The following WDR47 variants were observed in gnomAD, a reference collection of about 807,000 sequenced individuals.
WDR47 encodes the protein WD repeat domain 47, also known as WD repeat-containing protein 47.
WDR47 carries 32 observed loss-of-function variants against 97.2 expected under a neutral mutation model. The ratio of observed to expected loss-of-function variants is 0.33; its 90% confidence interval spans 0.25 to 0.44. The LOEUF is 0.44. WDR47 is among the 20% of genes least tolerant of loss of function. The pLI is 1.00. For missense variants in WDR47, 782 were observed against 1,102.3 expected (o/e 0.71, Z 4.11); for synonymous variants, 375 against 373.5 (o/e 1.00, Z -0.05).
intron 1 of WDR47, among the ~76,000 whole-genome samples, chr1:109,034,512 T>C (rs1156590215): frequency 6.6e-6 from 1 of 152,104 alleles, no homozygotes; most frequent in African/African-American, 2.4e-5. Context: ...CCAATACTGA[T>C]CCACAGCCTG....
At chr1:109,012,397 C>T (rs1353412993) in intron 4 of WDR47, among the ~76,000 whole-genome samples, 1 of 151,626 alleles carries the variant, frequency 6.6e-6, no homozygotes, top group East Asian at 1.9e-4. Context: ...CACAGTGAAA[C>T]CCCGTCTCTA....
chr1:109,003,335 G>T (rs1256119659), intron 6 of WDR47, among the ~76,000 whole-genome samples: 2 of 151,840 alleles, frequency 1.3e-5, no homozygotes, highest in African/African-American at 4.8e-5. Context: ...GTTGTTTGGT[G>T]CATATCCATG....
At chr1:109,036,846 A>C (rs1662990797) in intron 1 of WDR47, among the ~76,000 whole-genome samples, 1 of 152,088 alleles carries the variant, frequency 6.6e-6, no homozygotes, top group African/African-American at 2.4e-5. Flanking sequence ...AAAATAAATA[A>C]ATAAATAAAT....
Position 109,009,995 on chromosome 1 carries a change from T to A in WDR47, c.1130+921A>T, listed in dbSNP as rs112696770. Among the ~76,000 whole-genome samples, 65 of 150,722 alleles carry A rather than the reference T, an allele frequency of 4.3e-4. No homozygotes were observed. The East Asian group carries it at 0.012, about 28-fold the overall frequency. On this transcript the variant is annotated intron_variant, in intron 5 of 14. Coordinates refer to ENST00000369962, the MANE Select transcript of WDR47 (RefSeq NM_001142551.2). ...CCTGAGTGACAAAAGCAAAACTCCA[T>A]CTCAAAAAAAAACAAAAAAACAAAA... is the stretch of plus-strand genomic sequence containing the variant.
intron 7 of WDR47, among the ~76,000 whole-genome samples, chr1:109,000,337 C>T (rs942921873): frequency 5.3e-5 from 8 of 151,510 alleles, no homozygotes; most frequent in East Asian, 1.9e-4. Context: ...GGTGAAATCC[C>T]GCCTCCACTA....
intron 13 of WDR47, among the ~76,000 whole-genome samples, chr1:108,976,739 C>G (rs1182700137): frequency 6.6e-6 from 1 of 152,074 alleles, no homozygotes; most frequent in African/African-American, 2.4e-5. Context: ...AAGTTAAGAC[C>G]TAAAGACACG....
chr1:109,024,092 A>G (rs953903580), intron 1 of WDR47, among the ~76,000 whole-genome samples: 6 of 152,196 alleles, frequency 3.9e-5, no homozygotes, highest in Admixed American at 6.6e-5. Context: ...GCTTTAGTCT[A>G]GCAGTAATAC....
In WDR47 at chr1:109,023,445, T is replaced by C. The variant is rs1438167752; in HGVS notation, c.68A>G (p.Asn23Ser). The change falls in exon 2 of 15, where the codon AAT (asparagine) becomes AGT (serine). Residue 23 changes from asparagine (N) to serine (S), a missense_variant. This residue lies in a region of WDR47 where 428 missense variants were observed against 584.3 expected (regional missense o/e 0.73). Coordinates refer to ENST00000369962, the MANE Select transcript of WDR47 (RefSeq NM_001142551.2). ...EIIKLILDFL[N>S]SKKLHISMLA... is the part of the protein sequence containing the mutation. ...CATACTAATGTGAAGCTTCTTTGAATTCAGGAAGTCCAAAATTAGCTTAAT... is the reference window on the plus strand; with the variant it reads ...CATACTAATGTGAAGCTTCTTTGAACTCAGGAAGTCCAAAATTAGCTTAAT... 1.2e-6 allele frequency: 2 copies of C among 1,613,782 alleles called. No homozygotes were observed. Among genetic ancestry groups the C allele is most frequent in the Non-Finnish European group, 1.7e-6 (2 of 1,179,834 alleles).
chr1:109,014,003 T>C, intron 3 of WDR47, 78 bp from the exon 4 acceptor site: 3 of 1,049,858 alleles, frequency 2.9e-6, no homozygotes, highest in Non-Finnish European at 4.2e-6. Flanking sequence ...GTAAGTACTT[T>C]TGCTTTAGGA....
At chr1:108,978,632 A>G (rs999890737) in intron 13 of WDR47, among the ~76,000 whole-genome samples, 4 of 152,254 alleles carry the variant, frequency 2.6e-5, no homozygotes, top group African/African-American at 7.2e-5. Context: ...AGAAGAGACT[A>G]AAGTCCTGAG....
chr1:108,981,868 T>C lies in WDR47; in HGVS notation c.2267-4A>G, dbSNP rs774119398. ...GTATAAAGTGCTAAAATATGCCCTATAAAAGATCATATACTCAATTATTAA... is the reference window on the plus strand; with the variant it reads ...GTATAAAGTGCTAAAATATGCCCTACAAAAGATCATATACTCAATTATTAA... On this transcript the variant is annotated splice_region_variant and splice_polypyrimidine_tract_variant and intron_variant, in intron 12 of 14. Coordinates refer to ENST00000369962, the MANE Select transcript of WDR47 (RefSeq NM_001142551.2). 6.2e-7 allele frequency: 1 copy of C among 1,610,724 alleles called. No individual in the cohort carries two copies. Among genetic ancestry groups the C allele is most frequent in the Non-Finnish European group, 8.5e-7 (1 of 1,178,378 alleles).
intron 1 of WDR47, among the ~76,000 whole-genome samples, chr1:109,040,645 A>G (rs1044353950): frequency 6.6e-6 from 1 of 151,980 alleles, no homozygotes; most frequent in Non-Finnish European, 1.5e-5. Flanking sequence ...TTTCTTTCCT[A>G]TTGGAAGCAA....
intron 1 of WDR47, among the ~76,000 whole-genome samples, 155 bp downstream of exon 1, chr1:109,041,707 A>C (rs1663377575): frequency 6.6e-6 from 1 of 152,118 alleles, no homozygotes; most frequent in Admixed American, 6.5e-5. Flanking sequence ...GTCGGCACCC[A>C]AGCCCACTAA....
intron 9 of WDR47, among the ~76,000 whole-genome samples, chr1:108,988,170 G>A (rs1314534355): frequency 2.0e-5 from 3 of 149,262 alleles, no homozygotes; most frequent in African/African-American, 7.4e-5. Context: ...GATTGAGTCT[G>A]GGAGGTTGAG....
At chr1:109,008,538 C>G (rs1660797785) in intron 5 of WDR47, among the ~76,000 whole-genome samples, 1 of 152,006 alleles carries the variant, frequency 6.6e-6, no homozygotes, top group Non-Finnish European at 1.5e-5. Context: ...GCTGGGATTA[C>G]AGGCTTGAGC....
At chr1:108,978,538 G>A (rs1037424762) in intron 13 of WDR47, among the ~76,000 whole-genome samples, 1 of 151,944 alleles carries the variant, frequency 6.6e-6, no homozygotes, top group Admixed American at 6.6e-5. Context: ...CACAGAATAG[G>A]TTTCAGCTAG....
chr1:108,991,406 C>T, intron 8 of WDR47, 77 bp from the exon 9 acceptor site: 2 of 1,341,356 alleles, frequency 1.5e-6, no homozygotes, highest in Non-Finnish European at 1.0e-6. Context: ...CTTTCAAACA[C>T]TAATTTTTCT....
At chr1:109,005,884 AAAT>A (rs1660571514) in intron 5 of WDR47, among the ~76,000 whole-genome samples, 1 of 152,074 alleles carries the variant, frequency 6.6e-6, no homozygotes, top group Non-Finnish European at 1.5e-5. Flanking sequence ...ATAAAAATAA[AAAT>A]AAATAAAAAA....
chr1:109,036,726 C>G (rs895659884), intron 1 of WDR47, among the ~76,000 whole-genome samples: 8 of 151,106 alleles, frequency 5.3e-5, no homozygotes, highest in African/African-American at 2.0e-4. Context: ...GTCCCAGCTA[C>G]TCAGGAGGCC....
Sources: allele counts gnomAD v4.1 joint callset (sites outside exome capture counted in the v4.1 genomes callset), GRCh38; gene constraint gnomAD v4.1.1; regional missense constraint gnomAD v4.1.1; transcripts MANE v1.5; gene names NCBI Gene and HGNC (gene_info 2026-07-23, HGNC 2026-07-21).